Variants in RBM33 observed in about 807,000 individuals in gnomAD.
RBM33 encodes the protein RNA-binding protein 33.
RBM33 carries 28 observed loss-of-function variants against 132.6 expected under a neutral mutation model. The observed-to-expected ratio is 0.21, with a 90% CI of 0.16 to 0.29. The LOEUF (loss-of-function observed/expected upper bound fraction) is 0.29. Among genes scored for constraint, RBM33 ranks in the 10% least tolerant of loss-of-function variants. RBM33 has a pLI of 1.00. For missense variants in RBM33, 1,291 were observed against 1,518.5 expected, an observed-to-expected ratio of 0.85 and a Z score of 2.49; for synonymous variants, 634 against 593.0, an observed-to-expected ratio of 1.07 and a Z score of -1.01.
chr7:155,775,186 C>T lies in RBM33; in HGVS notation c.*145C>T, dbSNP rs1802565487. The T allele has an allele frequency of 1.3e-6, 1 of 762,592 alleles. No homozygotes were observed. Among genetic ancestry groups the T allele is most frequent in the Non-Finnish European group, 2.3e-6 (1 of 427,430 alleles). The allele number at this position is 762,592 out of a possible 1,614,324, so 47.2% of individuals were successfully genotyped here. ...ACTGTTCTCCAGAGCGCCAGCCAGC[C>T]ACGGGCCTGATTCCAGAGGAGCCGA... is the stretch of plus-strand genomic sequence containing the variant. On this transcript the variant is annotated 3_prime_UTR_variant, in exon 18 of 18. Transcript: ENST00000401878.
chr7:155,768,687 GC>G (rs1411618727), intron 16 of RBM33, among the ~76,000 whole-genome samples: 2 of 152,250 alleles, frequency 1.3e-5, no homozygotes, highest in African/African-American at 4.8e-5. Context: ...TGCGATCTGG[GC>G]TCACCGCAAC....
chr7:155,676,043 T>G (rs1030852353), intron 3 of RBM33, among the ~76,000 whole-genome samples: 1 of 152,148 alleles, frequency 6.6e-6, no homozygotes, highest in Admixed American at 6.5e-5. Flanking sequence ...TGAATGGAGT[T>G]CACATGATGA....
Position 155,730,280 on chromosome 7 carries a change from C to T in RBM33, c.1261-7250C>T, listed in dbSNP as rs6967882. ...CTTTATGAGGGATTTCTGATTTGAA[C>T]TCAGAAATAAGAATGCAAGCAGGGA... On this transcript the variant is annotated intron_variant, in intron 9 of 17. Transcript: ENST00000401878. Among the ~76,000 whole-genome samples the T allele has an allele frequency of 4.2e-3, 644 of 152,198 alleles. 5 individuals carry two copies. Among genetic ancestry groups the T allele is most frequent in the African/African-American group, 0.015 (616 of 41,510 alleles).
At chr7:155,689,144 T>G (rs985619826) in intron 5 of RBM33, among the ~76,000 whole-genome samples, 17 of 152,212 alleles carry the variant, frequency 1.1e-4, no homozygotes, top group Non-Finnish European at 1.6e-4. Flanking sequence ...TTGCCTCAAT[T>G]TCAGAGCCCG....
In RBM33 at chr7:155,711,214, C is replaced by G. The variant is rs1445161185; in HGVS notation, c.960C>G (p.Pro320=). ...PTQPPVVPQA[P]PPPPPPPQQQ... is the part of the protein sequence containing the mutation. The stretch of plus-strand genomic sequence containing the variant: ...TAATTCCTCCACAGCCCCAGGCTCC[C>G]CCTCCACCGCCACCGCCGCCTCAGC... The change falls in exon 8 of 18, where the codon CCC becomes CCG. Residue 320 remains proline (P), a synonymous_variant. Transcript: ENST00000401878. The G allele has an allele frequency of 6.4e-7, 1 of 1,569,248 alleles. No homozygotes were observed. Among genetic ancestry groups the G allele is most frequent in the Non-Finnish European group, 8.6e-7 (1 of 1,157,232 alleles).
At chr7:155,657,171 ATACTT>A (rs936663509) in intron 1 of RBM33, among the ~76,000 whole-genome samples, 5 of 152,162 alleles carry the variant, frequency 3.3e-5, no homozygotes, top group African/African-American at 1.2e-4. Flanking sequence ...CTTTGGGAAA[ATACTT>A]TAATTATTTT....
chr7:155,759,666 G>A (rs987538637), intron 14 of RBM33, among the ~76,000 whole-genome samples: 1 of 152,046 alleles, frequency 6.6e-6, no homozygotes, highest in Non-Finnish European at 1.5e-5. Context: ...TGATCCACCC[G>A]CCTCGGCCTC....
chr7:155,767,141 CTCTAAT>C (rs2117074589), intron 16 of RBM33, among the ~76,000 whole-genome samples: 1 of 152,350 alleles, frequency 6.6e-6, no homozygotes, highest in South Asian at 2.1e-4. Flanking sequence ...AGCTGGCTAA[CTCTAAT>C]GCTGAAACAT....
Position 155,680,839 on chromosome 7 carries a change from AGAG to A in RBM33, c.505_507del (p.Glu169del). On this transcript the variant is annotated inframe_deletion, in exon 5 of 18. Coordinates refer to ENST00000401878, the MANE Select transcript of RBM33 (RefSeq NM_053043.3). ...ACCAAATAGAATATGTGGAAGAGCCAGAGGAGGAGCAGCTTTACACTGATGAAG... is the reference window on the plus strand; with the variant it reads ...ACCAAATAGAATATGTGGAAGAGCCAGAGGAGCAGCTTTACACTGATGAAG... The A allele has an allele frequency of 6.2e-7, 1 of 1,613,922 alleles. No individual in the cohort carries two copies. Among genetic ancestry groups the A allele is most frequent in the Non-Finnish European group, 8.5e-7 (1 of 1,179,844 alleles).
At chr7:155,649,130 A>G (rs529847829) in intron 1 of RBM33, among the ~76,000 whole-genome samples, 14 of 152,162 alleles carry the variant, frequency 9.2e-5, no homozygotes, top group Admixed American at 5.9e-4. Context: ...CATAATGCAT[A>G]GATTGGTACT....
intron 8 of RBM33, among the ~76,000 whole-genome samples, chr7:155,717,261 C>T (rs1205693063): frequency 1.3e-5 from 2 of 152,120 alleles, no homozygotes; most frequent in Non-Finnish European, 2.9e-5. Context: ...GGCTGGAAGT[C>T]CAAGTTCGAG....
At chr7:155,670,826 A>G (rs191381435) in intron 2 of RBM33, among the ~76,000 whole-genome samples, 1 of 152,346 alleles carries the variant, frequency 6.6e-6, no homozygotes, top group East Asian at 1.9e-4. Flanking sequence ...AACAAGTACT[A>G]GTCTTCATTT....
At chr7:155,727,861 G>A (rs1227766837) in intron 9 of RBM33, among the ~76,000 whole-genome samples, 2 of 152,220 alleles carry the variant, frequency 1.3e-5, no homozygotes, top group African/African-American at 4.8e-5. Context: ...GGCTTCCCGG[G>A]CTCAGGTGAT....
chr7:155,729,976 C>G (rs1800907974), intron 9 of RBM33, among the ~76,000 whole-genome samples: 1 of 152,196 alleles, frequency 6.6e-6, no homozygotes, highest in Admixed American at 6.5e-5. Context: ...AGCACCTCTC[C>G]CTGTGCTTTG....
rs1394608305 is a variant in RBM33, at chr7:155,673,979, C to T, written c.171+1064C>T. ...TTTTTTTTTTTTTTTTTTTGAGACA[C>T]AGTCTTACTCTTGCCCAGGCTGGAG... is the stretch of plus-strand genomic sequence containing the variant. On this transcript the variant is annotated intron_variant, in intron 3 of 17. Transcript: ENST00000401878. Among the ~76,000 whole-genome samples, 6 of 24,970 alleles carry T rather than the reference C, an allele frequency of 2.4e-4. No individual in the cohort carries two copies. In the East Asian group the frequency reaches 8.2e-3, roughly 34 times the overall value. 16.4% of individuals were successfully genotyped at this position (24,970 alleles called of 152,430 possible).
At chr7:155,764,754 G>T (rs1266998128) in intron 15 of RBM33, among the ~76,000 whole-genome samples, 2 of 152,236 alleles carry the variant, frequency 1.3e-5, no homozygotes, top group Admixed American at 1.3e-4. Flanking sequence ...GGAGACCTGG[G>T]CGCAGCCCTG....
chr7:155,774,810 G>A lies in RBM33; in HGVS notation c.3464+163G>A, dbSNP rs3735579. On this transcript the variant is annotated intron_variant, in intron 17 of 17. Coordinates refer to ENST00000401878, the MANE Select transcript of RBM33 (RefSeq NM_053043.3). The surrounding 1 kb of genome is among the most constrained non-coding windows in gnomAD (Gnocchi z 4.2). The stretch of plus-strand genomic sequence containing the variant: ...ACGGTGATCCTGTCATGAGGCGCGC[G>A]TCCTTTTGTCTGGTGGAGAATTGCC... Among the ~76,000 whole-genome samples the A allele has an allele frequency of 3.3e-5, 5 of 152,176 alleles. No homozygotes were observed. The East Asian group carries it at 5.8e-4, about 18-fold the overall frequency.
Position 155,770,863 on chromosome 7 carries a change from G to A in RBM33, c.3376-3696G>A, listed in dbSNP as rs866220853. On this transcript the variant is annotated intron_variant, in intron 16 of 17. Transcript: ENST00000401878. ...ACATGGAAGCTTTTCGCTGCCAGGT[G>A]GCATGGTTGTTGATTCGATCTTACG... Among the ~76,000 whole-genome samples, 5 of 152,308 alleles carry A rather than the reference G, an allele frequency of 3.3e-5. No homozygotes were observed. The South Asian group carries it at 1.0e-3, about 32-fold the overall frequency.
intron 14 of RBM33, among the ~76,000 whole-genome samples, chr7:155,755,700 A>G (rs1278519264): frequency 6.6e-6 from 1 of 152,200 alleles, no homozygotes; most frequent in Non-Finnish European, 1.5e-5. Flanking sequence ...TTAAGAGTGA[A>G]AATAAGATTT....
Sources: gnomAD v4.1 joint callset for allele counts (sites outside exome capture counted in the v4.1 genomes callset) on GRCh38, gnomAD v4.1.1 for gene constraint, Gnocchi (gnomAD v3.1) non-coding constraint, MANE v1.5 for transcripts, NCBI Gene and HGNC (gene_info 2026-07-23, HGNC 2026-07-21) for gene names.